Variants in TMC2 observed in about 807,000 individuals in gnomAD.
The protein encoded by TMC2 is transmembrane channel like 2.
TMC2 carries 102 observed loss-of-function variants against 105.9 expected under a neutral mutation model. That is an observed-to-expected ratio of 0.96 (90% CI 0.82 to 1.14). TMC2 has a LOEUF of 1.14. TMC2 is among the 50% of genes most tolerant of loss of function. TMC2 has a pLI of 0.00. For missense variants in TMC2, 1,093 were observed against 1,134.3 expected, an observed-to-expected ratio of 0.96 and a Z score of 0.52; for synonymous variants, 402 against 422.8, an observed-to-expected ratio of 0.95 and a Z score of 0.60.
At position 2,558,845 on chromosome 20, in the gene TMC2, C is replaced by A; in HGVS notation, c.401+71C>A. On this transcript the variant is annotated intron_variant, in intron 3 of 19. Transcript: ENST00000358864. This position sits in a 1 kb window ranked among gnomAD's most constrained non-coding sequence, Gnocchi z 4.6. ...CTCCTTCGCGGCCCTTCCCCTTCCC[C>A]CGTGAGGGACTGATGCCCCCCTCCC... 9 of 1,421,098 alleles carry A rather than the reference C, an allele frequency of 6.3e-6. No individual in the cohort carries two copies. Among genetic ancestry groups the A allele is most frequent in the Non-Finnish European group, 7.5e-6 (8 of 1,069,024 alleles). 88.0% of individuals were successfully genotyped at this position (1,421,098 alleles called of 1,614,324 possible). A position where few individuals can be genotyped will look rare whatever the true frequency, so the allele number is the denominator to read the frequency against.
intron 2 of TMC2, 48 bp downstream of exon 2, chr20:2,537,364 C>T: frequency 3.3e-6 from 5 of 1,494,490 alleles, no homozygotes; most frequent in Non-Finnish European, 4.6e-6. Context: ...TGCCTGGGTG[C>T]CCTCTGCTTA....
chr20:2,619,416 T>C (rs907552532), intron 16 of TMC2, among the ~76,000 whole-genome samples: 3 of 152,160 alleles, frequency 2.0e-5, no homozygotes, highest in Admixed American at 6.5e-5. Flanking sequence ...TAAAGAGTAA[T>C]ACATCTGCTA....
chr20:2,565,870 T>A (rs1345599199), intron 4 of TMC2, among the ~76,000 whole-genome samples: 1 of 152,110 alleles, frequency 6.6e-6, no homozygotes, highest in African/African-American at 2.4e-5. Context: ...TGGAACCTCA[T>A]CTCTACTAAA....
At chr20:2,586,361 G>A (rs1033863804) in intron 7 of TMC2, among the ~76,000 whole-genome samples, 2 of 152,220 alleles carry the variant, frequency 1.3e-5, no homozygotes, top group African/African-American at 4.8e-5. Flanking sequence ...GCACAAAGGA[G>A]TTATTGGCCC....
At chr20:2,555,740 C>T (rs1001703666) in intron 2 of TMC2, among the ~76,000 whole-genome samples, 1 of 152,146 alleles carries the variant, frequency 6.6e-6, no homozygotes, top group African/African-American at 2.4e-5. Context: ...TCTTTTTCTG[C>T]CTTCTGCAGT....
chr20:2,558,468 G>A lies in TMC2; in HGVS notation c.95G>A (p.Gly32Glu). The change falls in exon 3 of 20, where the codon GGA becomes GAA. Residue 32 changes from glycine to glutamate, a missense_variant. By Grantham distance (98) the Gly-to-Glu change is moderately conservative. Transcript: ENST00000358864. The surrounding 1 kb of genome is among the most constrained non-coding windows in gnomAD (Gnocchi z 4.6). ...SGSPHTGDRL[G>E]RRSSSKRALK... ...CCCGCCCCGGCAGGTGACAGGCTGG[G>A]AAGGAGATCCTCAAGCAAGCGGGCT... The A allele has an allele frequency of 6.4e-7, 1 of 1,556,780 alleles. No individual in the cohort carries two copies. Among genetic ancestry groups the A allele is most frequent in the African/African-American group, 1.4e-5 (1 of 73,374 alleles).
chr20:2,557,249 G>T (rs1181919310), intron 2 of TMC2, among the ~76,000 whole-genome samples: 1 of 152,104 alleles, frequency 6.6e-6, no homozygotes, highest in Non-Finnish European at 1.5e-5. Context: ...ACAGTTTGGG[G>T]ATATTTTGTT....
At position 2,642,839 on chromosome 20, in the gene TMC2, A is replaced by G. The variant is rs1568535428; in HGVS notation, c.*1488A>G. ...CCATGTCTCTGAGTGTTCTAAAGAG[A>G]GTCAGCCACCTTAACCTCATCAACT... On this transcript the variant is annotated 3_prime_UTR_variant, in exon 20 of 20. Coordinates refer to ENST00000358864, the MANE Select transcript of TMC2 (RefSeq NM_080751.3). Among the ~76,000 whole-genome samples the G allele has an allele frequency of 6.6e-6, 1 of 152,050 alleles. No individual in the cohort carries two copies. The highest frequency in any genetic ancestry group is 1.5e-5 in the Non-Finnish European group (1 of 68,012).
Position 2,558,224 on chromosome 20 carries a change from G to T in TMC2, c.83-232G>T. The T allele has an allele frequency of 9.9e-7, 1 of 1,009,980 alleles. No homozygotes were observed. The highest frequency in any genetic ancestry group is 1.4e-6 in the Non-Finnish European group (1 of 721,398). 62.6% of individuals were successfully genotyped at this position (1,009,980 alleles called of 1,614,324 possible). ...GTCACAGGAGGTCTTCAAGGGAGAC[G>T]GGAGGGAGAAGGCCAGAGAGTGACC... On this transcript the variant is annotated intron_variant, in intron 2 of 19. Coordinates refer to ENST00000358864, the MANE Select transcript of TMC2 (RefSeq NM_080751.3). The surrounding 1 kb of genome is among the most constrained non-coding windows in gnomAD (Gnocchi z 4.6).
At position 2,536,588 on chromosome 20, in the gene TMC2, G is replaced by A. The variant is rs2085850162; in HGVS notation, c.-34G>A. The A allele has an allele frequency of 4.5e-6, 7 of 1,560,594 alleles. No homozygotes were observed. On this transcript the variant is annotated 5_prime_UTR_variant, in exon 1 of 20. Transcript: ENST00000358864. ...GCGTGCATACAGGAGCACGCTGCGT[G>A]AGCCTGTGCAGGACCCCAGCAGTGC... is the stretch of plus-strand genomic sequence containing the variant.
chr20:2,623,294 T>C (rs932188212), intron 16 of TMC2, among the ~76,000 whole-genome samples: 3 of 151,966 alleles, frequency 2.0e-5, no homozygotes, highest in Non-Finnish European at 2.9e-5. Flanking sequence ...TCCCAGCACT[T>C]TGGGAGGCTG....
intron 2 of TMC2, among the ~76,000 whole-genome samples, chr20:2,539,187 T>C (rs2122787437): frequency 6.6e-6 from 1 of 152,342 alleles, no homozygotes; most frequent in African/African-American, 2.4e-5. Context: ...GAGGCCTTCC[T>C]AGCAAGACAG....
At chr20:2,598,402 A>C (rs78019055) in intron 10 of TMC2, among the ~76,000 whole-genome samples, 4,310 of 148,732 alleles carry the variant, frequency 0.029, 209 homozygotes, top group African/African-American at 0.1. Context: ...TACTTTATTT[A>C]TTTATTTATT....
At chr20:2,591,689 T>C (rs1321806133) in intron 7 of TMC2, among the ~76,000 whole-genome samples, 1 of 149,158 alleles carries the variant, frequency 6.7e-6, no homozygotes, top group East Asian at 2.0e-4. Context: ...GCCTAGGTGA[T>C]GAAGTGAGAA....
At chr20:2,619,418 C>A (rs1453511094) in intron 16 of TMC2, among the ~76,000 whole-genome samples, 1 of 152,138 alleles carries the variant, frequency 6.6e-6, no homozygotes, top group Admixed American at 6.6e-5. Flanking sequence ...AAGAGTAATA[C>A]ATCTGCTAGT....
intron 4 of TMC2, among the ~76,000 whole-genome samples, chr20:2,568,757 A>AG (rs989919733): frequency 6.6e-6 from 1 of 152,148 alleles, no homozygotes; most frequent in Non-Finnish European, 1.5e-5. Flanking sequence ...TCTCCTGCCA[A>AG]GGGGGGGAAC....
intron 5 of TMC2, among the ~76,000 whole-genome samples, chr20:2,576,096 G>C (rs934266910): frequency 1.3e-5 from 2 of 151,950 alleles, no homozygotes; most frequent in Admixed American, 1.3e-4. Context: ...AGGCCTCACT[G>C]GTTGTTTTCA....
chr20:2,571,194 A>G (rs879862671), intron 4 of TMC2, among the ~76,000 whole-genome samples: 24 of 152,330 alleles, frequency 1.6e-4, no homozygotes, highest in Admixed American at 3.3e-4. Context: ...AAAAGAAACT[A>G]TCAGCAGAGT....
intron 14 of TMC2, among the ~76,000 whole-genome samples, chr20:2,615,674 G>A (rs2086475395): frequency 6.6e-6 from 1 of 152,162 alleles, no homozygotes; most frequent in Non-Finnish European, 1.5e-5. Flanking sequence ...AAGAAGAGTT[G>A]GAAGGATGAT....
Sources: gnomAD v4.1 joint callset for allele counts (sites outside exome capture counted in the v4.1 genomes callset) on GRCh38, gnomAD v4.1.1 for gene constraint, Gnocchi (gnomAD v3.1) non-coding constraint, MANE v1.5 for transcripts, NCBI Gene and HGNC (gene_info 2026-07-23, HGNC 2026-07-21) for gene names.